PAPOLG: variants seen among roughly 807,000 people sequenced by gnomAD.
PAPOLG encodes the protein poly(A) polymerase gamma, also known as PAP-gamma.
Under a neutral mutation model 99.0 loss-of-function variants are expected in PAPOLG, and 40 were observed. That is an observed-to-expected ratio of 0.40 (90% CI 0.31 to 0.53). The LOEUF is 0.53. Among genes scored for constraint, PAPOLG ranks in the 20% least tolerant of loss-of-function variants. PAPOLG has a pLI of 0.41. For synonymous variants in PAPOLG, 310 were observed against 299.3 expected, an observed-to-expected ratio of 1.04 and a Z score of -0.37; for missense variants, 675 against 884.1, an observed-to-expected ratio of 0.76 and a Z score of 3.00.
Position 60,779,655 on chromosome 2 carries a change from A to G in PAPOLG, c.713A>G (p.Asn238Ser). 6.2e-7 allele frequency: 1 copy of G among 1,611,840 alleles called. No homozygotes were observed. Among genetic ancestry groups the G allele is most frequent in the Non-Finnish European group, 8.5e-7 (1 of 1,178,528 alleles). Residue 238 changes from asparagine (N) to serine (S), a missense_variant, in exon 9 of 22, where the codon AAC becomes AGC. By Grantham distance (46) the Asn-to-Ser change is conservative. Around this residue, in one of 3 missense-constraint regions of PAPOLG, gnomAD observed 113 missense variants for 231.5 expected, o/e 0.49. Coordinates refer to ENST00000238714, the MANE Select transcript of PAPOLG (RefSeq NM_022894.4). Reference sequence around the variant, plus strand: ...TTTCTAGGACGTGGTATTTATTCCAACATGCTAGGATTCCTTGGTGGTGTC... The same window carrying G: ...TTTCTAGGACGTGGTATTTATTCCAGCATGCTAGGATTCCTTGGTGGTGTC... ...LWAKRRGIYS[N>S]MLGFLGGVSW...
intron 19 of PAPOLG, 129 bp from the exon 20 acceptor site, chr2:60,794,581 C>G: frequency 1.3e-6 from 1 of 759,474 alleles, no homozygotes; most frequent in Non-Finnish European, 2.1e-6. Flanking sequence ...AAATTATCTT[C>G]TCTTACCAAT....
At chr2:60,775,871 C>T (rs992832799) in intron 8 of PAPOLG, among the ~76,000 whole-genome samples, 1 of 151,860 alleles carries the variant, frequency 6.6e-6, no homozygotes, top group Non-Finnish European at 1.5e-5. Context: ...TCAAGTGATT[C>T]TCCTGCCTCA....
At chr2:60,779,578 A>G in intron 8 of PAPOLG, 59 bp from the exon 9 acceptor site, 2 of 1,524,824 alleles carry the variant, frequency 1.3e-6, no homozygotes, top group Non-Finnish European at 8.9e-7. Context: ...AGCAGAAAAA[A>G]AAAGAATGTC....
chr2:60,790,374 C>T (rs1189536040), intron 15 of PAPOLG, among the ~76,000 whole-genome samples: 2 of 152,190 alleles, frequency 1.3e-5, no homozygotes, highest in African/African-American at 4.8e-5. Flanking sequence ...TAATTTACTA[C>T]ATCTCACAGT....
At chr2:60,788,535 T>C (rs1035593442) in intron 15 of PAPOLG, among the ~76,000 whole-genome samples, 3 of 152,120 alleles carry the variant, frequency 2.0e-5, no homozygotes, top group Non-Finnish European at 4.4e-5. Context: ...CTGGCCAGGC[T>C]GGTCTTGAAC....
Position 60,760,371 on chromosome 2 carries a change from A to G in PAPOLG, c.179+76A>G, listed in dbSNP as rs892896063. On this transcript the variant is annotated intron_variant, in intron 2 of 21. Transcript: ENST00000238714. Reference sequence around the variant, plus strand: ...AATTCTGCGAACATATTGAATACCTACTGTGTCTCTAGATACAGGTGCAGA... The same window carrying G: ...AATTCTGCGAACATATTGAATACCTGCTGTGTCTCTAGATACAGGTGCAGA... 5 of 1,359,684 alleles carry G rather than the reference A, an allele frequency of 3.7e-6. No individual in the cohort carries two copies. In the African/African-American group the frequency reaches 4.4e-5, roughly 12 times the overall value. The allele number at this position is 1,359,684 out of a possible 1,614,324, so 84.2% of individuals were successfully genotyped here.
chr2:60,756,430 A>G lies in PAPOLG; in HGVS notation c.-49A>G. 6.2e-7 allele frequency: 1 copy of G among 1,611,056 alleles called. No homozygotes were observed. Among genetic ancestry groups the G allele is most frequent in the Non-Finnish European group, 8.5e-7 (1 of 1,178,068 alleles). ...AGGGGGAGAAGGGAACAGCAAGAACAGGACTCCAGAGCGATAAACACTCGC... is the reference window on the plus strand; with the variant it reads ...AGGGGGAGAAGGGAACAGCAAGAACGGGACTCCAGAGCGATAAACACTCGC... On this transcript the variant is annotated 5_prime_UTR_variant, in exon 1 of 22. Transcript: ENST00000238714.
intron 5 of PAPOLG, 52 bp from the exon 6 acceptor site, chr2:60,770,406 G>A: frequency 6.9e-7 from 1 of 1,451,900 alleles, no homozygotes; most frequent in East Asian, 2.4e-5. Flanking sequence ...TAGTTAGGAA[G>A]GATAAAGAAG....
chr2:60,771,782 C>A, intron 7 of PAPOLG, 152 bp downstream of exon 7: 1 of 805,108 alleles, frequency 1.2e-6, no homozygotes, highest in Non-Finnish European at 1.9e-6. Flanking sequence ...ATTTAAGAAT[C>A]CTAAAAACCA....
chr2:60,765,989 A>G (rs1670665379), intron 3 of PAPOLG, among the ~76,000 whole-genome samples: 1 of 152,158 alleles, frequency 6.6e-6, no homozygotes, highest in South Asian at 2.1e-4. Context: ...TTCTAGCTAT[A>G]AAATTATTTG....
chr2:60,787,054 A>G lies in PAPOLG; in HGVS notation c.1274A>G (p.Glu425Gly). 1 of 1,605,880 alleles carries G rather than the reference A, an allele frequency of 6.2e-7. No homozygotes were observed. Among genetic ancestry groups the G allele is most frequent in the Non-Finnish European group, 8.5e-7 (1 of 1,175,450 alleles). The change falls in exon 14 of 22, where the codon GAA becomes GGA. Residue 425 changes from glutamate to glycine, a missense_variant. Coordinates refer to ENST00000238714, the MANE Select transcript of PAPOLG (RefSeq NM_022894.4). Reference protein sequence around the residue: ...VNPQSFPGNKEHHKDNNYVSM... With the variant: ...VNPQSFPGNKGHHKDNNYVSM... ...CCCCAGTCATTCCCAGGGAATAAGG[A>G]ACATCATAAAGAGTAAGTTAATTGT...
rs568926518 is a variant in PAPOLG at position 60,789,660 on chromosome 2, A to G, written c.1396+2040A>G. 4.6e-5 allele frequency among the ~76,000 whole-genome samples: 7 copies of G among 152,352 alleles called. No homozygotes were observed. In the East Asian group the frequency reaches 1.3e-3, roughly 29 times the overall value. ...CTAGTCACAACTCTGGAATATCTTA[A>G]TGTATCTGTTATAAATTTGGGGTTA... is the stretch of plus-strand genomic sequence containing the variant. On this transcript the variant is annotated intron_variant, in intron 15 of 21. Transcript: ENST00000238714.
At chr2:60,772,608 TGTG>T (rs930379952) in intron 7 of PAPOLG, among the ~76,000 whole-genome samples, 2 of 151,886 alleles carry the variant, frequency 1.3e-5, no homozygotes, top group Admixed American at 6.6e-5. Context: ...ACTAGCCAAG[TGTG>T]GTGGTGCTTA....
intron 3 of PAPOLG, among the ~76,000 whole-genome samples, chr2:60,767,518 G>A (rs138126294): frequency 2.2e-4 from 33 of 152,096 alleles, no homozygotes; most frequent in African/African-American, 7.7e-4. Context: ...GCTCAGGCTG[G>A]TCTTGAACTG....
At chr2:60,775,570 A>G (rs988485380) in intron 8 of PAPOLG, among the ~76,000 whole-genome samples, 3 of 152,162 alleles carry the variant, frequency 2.0e-5, no homozygotes, top group Non-Finnish European at 4.4e-5. Context: ...GTTTATATAT[A>G]TAGTTTATAT....
intron 6 of PAPOLG, among the ~76,000 whole-genome samples, chr2:60,771,196 G>A (rs147113591): frequency 5.9e-5 from 9 of 152,266 alleles, no homozygotes; most frequent in Admixed American, 3.3e-4. Context: ...TGGTATTTTA[G>A]TGAGGTTTCA....
chr2:60,767,144 A>C (rs1473322222), intron 3 of PAPOLG, among the ~76,000 whole-genome samples: 1 of 152,136 alleles, frequency 6.6e-6, no homozygotes, highest in Non-Finnish European at 1.5e-5. Context: ...GCCAAGAAGA[A>C]GGAAAAGGTT....
chr2:60,759,094 C>T (rs1329341952), intron 1 of PAPOLG, among the ~76,000 whole-genome samples: 2 of 151,994 alleles, frequency 1.3e-5, no homozygotes, highest in East Asian at 1.9e-4. Context: ...ATTGGCTGAG[C>T]GCGGGGGCTC....
At chr2:60,766,691 A>C (rs1217648448) in intron 3 of PAPOLG, among the ~76,000 whole-genome samples, 1 of 151,452 alleles carries the variant, frequency 6.6e-6, no homozygotes, top group Non-Finnish European at 1.5e-5. Context: ...AAAAAAAAAA[A>C]AAAACCCAAA....
Sources: gnomAD v4.1 joint callset for allele counts (sites outside exome capture counted in the v4.1 genomes callset) on GRCh38, gnomAD v4.1.1 for gene constraint, gnomAD v4.1.1 regional missense constraint, MANE v1.5 for transcripts, NCBI Gene and HGNC (gene_info 2026-07-23, HGNC 2026-07-21) for gene names.